The following GALNT13 variants were observed in gnomAD, a reference collection of about 807,000 sequenced individuals.
GALNT13 encodes polypeptide N-acetylgalactosaminyltransferase 13.
Under a neutral mutation model 64.2 loss-of-function variants are expected in GALNT13, and 28 were observed. The ratio of observed to expected loss-of-function variants is 0.44; its 90% CI spans 0.32 to 0.60. GALNT13 has a LOEUF of 0.60. Ranked by LOEUF, GALNT13 falls within the 20% of genes least tolerant of loss-of-function variation. The pLI is 0.05. For synonymous variants in GALNT13, 214 were observed against 224.6 expected (o/e 0.95, Z 0.42); for missense variants, 577 against 669.8 (o/e 0.86, Z 1.53).
At chr2:153,333,584 A>C in the GALNT13 span, among the ~76,000 whole-genome samples, 1 of 152,178 alleles carries the variant, frequency 6.6e-6, no homozygotes, top group Non-Finnish European at 1.5e-5. Context: ...TTGAAAAAAA[A>C]CTGTCTTATC....
the GALNT13 span, among the ~76,000 whole-genome samples, chr2:153,444,410 A>G: frequency 6.6e-6 from 1 of 152,196 alleles, no homozygotes; most frequent in Non-Finnish European, 1.5e-5. Flanking sequence ...AATCTGTTCA[A>G]TTGTATTTTG....
chr2:154,170,730 T>G lies in GALNT13; in HGVS notation c.311+30225T>G, dbSNP rs549997945. On this transcript the variant is annotated intron_variant, in intron 4 of 12. Transcript: ENST00000392825. Reference sequence around the variant, plus strand: ...TGCAAAAATATACATGCTAAGTTATTGGAATAGCACCTAAGTATTATTATA... The same window carrying G: ...TGCAAAAATATACATGCTAAGTTATGGGAATAGCACCTAAGTATTATTATA... 2.0e-5 allele frequency among the ~76,000 whole-genome samples: 3 copies of G among 152,300 alleles called. No homozygotes were observed. The South Asian group carries it at 6.2e-4, about 32-fold the overall frequency.
chr2:153,458,421 C>G, the GALNT13 span, among the ~76,000 whole-genome samples: 1 of 152,118 alleles, frequency 6.6e-6, no homozygotes, highest in Admixed American at 6.5e-5. Flanking sequence ...GGTCTTTGCA[C>G]ACATCATTTT....
the GALNT13 span, among the ~76,000 whole-genome samples, chr2:153,222,488 A>G: frequency 2.9e-4 from 44 of 152,134 alleles, no homozygotes; most frequent in Non-Finnish European, 5.4e-4. Flanking sequence ...CCCAGGCTTC[A>G]GGCCATCCCT....
intron 4 of GALNT13, among the ~76,000 whole-genome samples, chr2:154,234,436 A>G (rs748648539): frequency 6.6e-6 from 1 of 152,164 alleles, no homozygotes; most frequent in Non-Finnish European, 1.5e-5. Flanking sequence ...GTTTAGTCAC[A>G]TATTTTAAAT....
At chr2:153,234,988 G>A in the GALNT13 span, among the ~76,000 whole-genome samples, 1 of 152,072 alleles carries the variant, frequency 6.6e-6, no homozygotes, top group Non-Finnish European at 1.5e-5. Context: ...CAAACTTTTT[G>A]TTAGTATTAT....
intron 3 of GALNT13, among the ~76,000 whole-genome samples, chr2:154,029,144 A>G (rs924233584): frequency 1.3e-5 from 2 of 151,078 alleles, no homozygotes; most frequent in East Asian, 2.0e-4. Context: ...TGTATACTCA[A>G]TATCTATAAT....
chr2:154,263,602 C>G (rs1217425417), intron 8 of GALNT13, among the ~76,000 whole-genome samples: 1 of 151,954 alleles, frequency 6.6e-6, no homozygotes, highest in African/African-American at 2.4e-5. Flanking sequence ...TCTAAGGCTC[C>G]CCTGCTCAAA....
the GALNT13 span, among the ~76,000 whole-genome samples, chr2:153,430,975 C>A: frequency 6.6e-6 from 1 of 151,724 alleles, no homozygotes; most frequent in Non-Finnish European, 1.5e-5. Flanking sequence ...CATGGTGAAA[C>A]CCCGTCTCTA....
At chr2:153,142,759 G>T in the GALNT13 span, among the ~76,000 whole-genome samples, 1 of 151,918 alleles carries the variant, frequency 6.6e-6, no homozygotes, top group Admixed American at 6.6e-5. Context: ...AGTGAAGTTA[G>T]CCTGACAAGG....
the GALNT13 span, among the ~76,000 whole-genome samples, chr2:153,102,997 G>A: frequency 7.1e-3 from 1,080 of 152,110 alleles, 5 homozygotes; most frequent in Non-Finnish European, 0.011. Context: ...ACAGCCCAGG[G>A]TATTAATGCT....
chr2:153,845,553 A>C, the GALNT13 span, among the ~76,000 whole-genome samples: 1 of 152,328 alleles, frequency 6.6e-6, no homozygotes, highest in Non-Finnish European at 1.5e-5. Context: ...CACCTCTCAC[A>C]AGACCCCACC....
chr2:153,438,400 G>C, the GALNT13 span, among the ~76,000 whole-genome samples: 1 of 152,140 alleles, frequency 6.6e-6, no homozygotes, highest in Non-Finnish European at 1.5e-5. Flanking sequence ...AAGTGCTCCT[G>C]GATAATATCC....
chr2:153,081,596 T>C, the GALNT13 span, among the ~76,000 whole-genome samples: 2 of 152,128 alleles, frequency 1.3e-5, no homozygotes. Context: ...TTATATCCCA[T>C]AAATGAGTGA....
At chr2:154,129,696 T>A (rs1334200737) in intron 3 of GALNT13, among the ~76,000 whole-genome samples, 1 of 152,106 alleles carries the variant, frequency 6.6e-6, no homozygotes, top group Non-Finnish European at 1.5e-5. Context: ...ATTTTACCTT[T>A]TAATTTTCTA....
At chr2:153,341,744 C>T in the GALNT13 span, among the ~76,000 whole-genome samples, 1 of 152,184 alleles carries the variant, frequency 6.6e-6, no homozygotes, top group South Asian at 2.1e-4. Context: ...TGCTATAATA[C>T]TGACAGGAAA....
chr2:153,520,442 A>G, the GALNT13 span, among the ~76,000 whole-genome samples: 1 of 152,180 alleles, frequency 6.6e-6, no homozygotes, highest in South Asian at 2.1e-4. Flanking sequence ...TCAAAATTTT[A>G]TGAATTGTTG....
chr2:154,369,139 A>C (rs1314274876), intron 9 of GALNT13, among the ~76,000 whole-genome samples: 1 of 151,966 alleles, frequency 6.6e-6, no homozygotes, highest in East Asian at 1.9e-4. Context: ...TATTAGGGAG[A>C]CATATAAAAA....
the GALNT13 span, among the ~76,000 whole-genome samples, chr2:153,528,329 AAAG>A: frequency 2.0e-5 from 3 of 152,058 alleles, no homozygotes; most frequent in Non-Finnish European, 4.4e-5. Context: ...AAGAAGATAC[AAAG>A]AAGGTCACTA....
Sources: gnomAD v4.1 joint callset for allele counts (sites outside exome capture counted in the v4.1 genomes callset) on GRCh38, gnomAD v4.1.1 for gene constraint, MANE v1.5 for transcripts, NCBI Gene and HGNC (gene_info 2026-07-23, HGNC 2026-07-21) for gene names.